Variants in BRWD1 observed in about 807,000 individuals in gnomAD.
The protein encoded by BRWD1 is bromodomain and WD repeat domain containing 1.
Under a neutral mutation model 251.2 loss-of-function variants are expected in BRWD1, and 82 were observed. The ratio of observed to expected loss-of-function variants is 0.33; its 90% CI spans 0.27 to 0.39. The LOEUF (loss-of-function observed/expected upper bound fraction) is 0.39. BRWD1 is among the 10% of genes least tolerant of loss of function. BRWD1 has a pLI of 1.00. For missense variants in BRWD1, 2,233 were observed against 2,711.6 expected (o/e 0.82, Z 3.92); for synonymous variants, 918 against 902.8 (o/e 1.02, Z -0.30).
intron 4 of BRWD1, among the ~76,000 whole-genome samples, chr21:39,303,615 A>C (rs1289139797): frequency 2.0e-5 from 3 of 151,064 alleles, no homozygotes; most frequent in African/African-American, 7.3e-5. Flanking sequence ...AGATCATTTG[A>C]GCTCAGGAGT....
At chr21:39,286,517 G>C (rs1360018585) in intron 8 of BRWD1, among the ~76,000 whole-genome samples, 1 of 146,168 alleles carries the variant, frequency 6.8e-6, no homozygotes, top group East Asian at 2.0e-4. Flanking sequence ...TCCAGTATTT[G>C]TACTTTTTTT....
chr21:39,292,140 G>T lies in BRWD1; in HGVS notation c.831+1671C>A, dbSNP rs866482412. Among the ~76,000 whole-genome samples the T allele has an allele frequency of 1.2e-3, 114 of 93,256 alleles. 2 individuals are homozygous for T. The highest frequency in any genetic ancestry group is 2.0e-3 in the Non-Finnish European group (95 of 46,410). The allele number at this position is 93,256 out of a possible 152,430, so 61.2% of individuals were successfully genotyped here. Reference sequence around the variant, plus strand: ...TGGGGGGTGGGTGGGGGTGGGGGGGGGGGTCTCACTAAGTTGCCCAGGCCG... The same window carrying T: ...TGGGGGGTGGGTGGGGGTGGGGGGGTGGGTCTCACTAAGTTGCCCAGGCCG... On this transcript the variant is annotated intron_variant, in intron 8 of 40. Transcript: ENST00000342449.
At chr21:39,316,396 A>G (rs529205469), upstream of BRWD1, among the ~76,000 whole-genome samples, 1 of 152,350 alleles carries the variant, frequency 6.6e-6, no homozygotes, top group South Asian at 2.1e-4. Context: ...GTTACAGTGC[A>G]TAGATGACTG....
intron 17 of BRWD1, among the ~76,000 whole-genome samples, chr21:39,262,197 T>C (rs187797066): frequency 1.3e-5 from 2 of 152,208 alleles, no homozygotes; most frequent in East Asian, 3.9e-4. Flanking sequence ...AAGAGAGAAA[T>C]GACAAATTCC....
At chr21:39,312,949 G>GC (rs2036547958) in intron 3 of BRWD1, 49 bp from the exon 4 acceptor site, 10 of 278,906 alleles carry the variant, frequency 3.6e-5, no homozygotes, top group South Asian at 9.5e-5. Flanking sequence ...CGGCGCGGGG[G>GC]GGGCGGGGGG....
intron 29 of BRWD1, among the ~76,000 whole-genome samples, chr21:39,220,217 T>C (rs960154173): frequency 6.6e-6 from 1 of 152,028 alleles, no homozygotes; most frequent in East Asian, 1.9e-4. Context: ...TGAATACTGA[T>C]CAACCCACAC....
At position 39,264,668 on chromosome 21, in the gene BRWD1, G is replaced by A; in HGVS notation, c.1677C>T (p.Phe559=). Residue 559 remains phenylalanine, a synonymous_variant, in exon 17 of 41, where the codon TTC becomes TTT. Transcript: ENST00000342449. ...TAAGTGGTCGATAGTCAGTATGGAA[G>A]AACATCTGATCAGGAATCTAGAAAA... ...KPYEKIPDQM[F]FHTDYRPLIR... 6.2e-7 allele frequency: 1 copy of A among 1,606,660 alleles called. No individual in the cohort carries two copies. The highest frequency in any genetic ancestry group is 8.5e-7 in the Non-Finnish European group (1 of 1,176,038).
At chr21:39,317,852 G>C (rs928750979), upstream of BRWD1, among the ~76,000 whole-genome samples, 10 of 152,180 alleles carry the variant, frequency 6.6e-5, no homozygotes, top group African/African-American at 2.4e-4. Flanking sequence ...GGAGTTCAAG[G>C]CTGGTCTTAA....
At chr21:39,298,232 A>C in intron 5 of BRWD1, 200 bp downstream of exon 5, 1 of 1,224,740 alleles carries the variant, frequency 8.2e-7, no homozygotes, top group Non-Finnish European at 1.0e-6. Flanking sequence ...ATCTTTATCA[A>C]CTTTTTAATG....
downstream of BRWD1, chr21:39,184,582 A>C (rs1160952973): frequency 6.6e-6 from 1 of 152,252 alleles, no homozygotes; most frequent in Non-Finnish European, 1.5e-5. Flanking sequence ...GGTCAGAGAG[A>C]GCCTGTTGAG....
rs2034751592 is a variant in BRWD1, at chr21:39,261,662, T to G, written c.1885+2798A>C. On this transcript the variant is annotated intron_variant, in intron 17 of 40. Coordinates refer to ENST00000342449, the MANE Select transcript of BRWD1 (RefSeq NM_033656.4). The stretch of plus-strand genomic sequence containing the variant: ...ACCTATGGGTCTGCAAACCACACAT[T>G]GACAATTTCTGCCCTAAAGCAACCA... Among the ~76,000 whole-genome samples the G allele has an allele frequency of 1.3e-5, 2 of 152,094 alleles. 1 individual carries two copies. Among genetic ancestry groups the G allele is most frequent in the Admixed American group, 1.3e-4 (2 of 15,270 alleles).
In BRWD1 at chr21:39,196,922, A is replaced by G; in HGVS notation, c.6147T>C (p.Val2049=). The G allele has an allele frequency of 6.2e-7, 1 of 1,613,896 alleles. No homozygotes were observed. The highest frequency in any genetic ancestry group is 8.5e-7 in the Non-Finnish European group (1 of 1,179,930). ...DAPSKRKSSS[V]TSSGEDSKSH... Reference sequence around the variant, plus strand: ...TTTTTGAATCTTCTCCTGAAGATGTAACAGAGGAACTTTTTCTTTTAGAAG... The same window carrying G: ...TTTTTGAATCTTCTCCTGAAGATGTGACAGAGGAACTTTTTCTTTTAGAAG... The change falls in exon 41 of 41, where the codon GTT becomes GTC. Residue 2049 remains valine (V), a synonymous_variant. Transcript: ENST00000342449.
rs201300529 is a variant in BRWD1 at position 39,232,139 on chromosome 21, C to A, written c.3000+38G>T. ...TGTAAGTAATTTAACTATGTATGTG[C>A]TAAAATGTTTAATGATTTAATAATG... On this transcript the variant is annotated intron_variant, in intron 25 of 40. Transcript: ENST00000342449. The A allele has an allele frequency of 3.4e-3, 4,862 of 1,448,660 alleles. 33 individuals are homozygous for A. Among genetic ancestry groups the A allele is most frequent in the Non-Finnish European group, 4.1e-3 (4,284 of 1,038,336 alleles). 89.7% of individuals were successfully genotyped at this position (1,448,660 alleles called of 1,614,324 possible).
In BRWD1 at chr21:39,195,833, C is replaced by G; in HGVS notation, c.*426G>C. ...CAGTATGCATGTATTTATGAAGAAT[C>G]TGTAAACATAGGTTGTGAAATTGTT... On this transcript the variant is annotated 3_prime_UTR_variant, in exon 41 of 41. Coordinates refer to ENST00000342449, the MANE Select transcript of BRWD1 (RefSeq NM_033656.4). The G allele has an allele frequency of 1.0e-6, 1 of 987,896 alleles. No homozygotes were observed. Among genetic ancestry groups the G allele is most frequent in the Non-Finnish European group, 1.2e-6 (1 of 831,704 alleles). 61.2% of individuals were successfully genotyped at this position (987,896 alleles called of 1,614,324 possible).
At chr21:39,313,376 CGGGGAGCCGGGGAAGCCG>C in intron 1 of BRWD1, 49 bp downstream of exon 1, 2 of 1,252,946 alleles carry the variant, frequency 1.6e-6, no homozygotes, top group South Asian at 3.1e-5. Flanking sequence ...CGGGGGAGCC[CGGGGAGCCGGGGAAGCCG>C]AAGCAGCCGG....
In BRWD1 at chr21:39,276,182, T is replaced by C. The variant is rs148461891; in HGVS notation, c.1136A>G (p.Asn379Ser). 1.9e-5 allele frequency: 30 copies of C among 1,607,728 alleles called. 1 individual carries two copies. In the African/African-American group the frequency reaches 2.1e-4, roughly 11 times the overall value. ...DKVDSIQFCN[N>S]GDRFLSGSRD... ...CAAAACACACACTTACCGATCACCATTGTTACAAAATTGGATACTATCTAC... is the reference window on the plus strand; with the variant it reads ...CAAAACACACACTTACCGATCACCACTGTTACAAAATTGGATACTATCTAC... The change falls in exon 12 of 41, where the codon AAT becomes AGT. Residue 379 changes from asparagine (N) to serine (S), a missense_variant. Physicochemically the swap from Asn to Ser is conservative, Grantham distance 46. Coordinates refer to ENST00000342449, the MANE Select transcript of BRWD1 (RefSeq NM_033656.4).
chr21:39,267,424 T>C (rs530413013), intron 15 of BRWD1, among the ~76,000 whole-genome samples: 76 of 152,114 alleles, frequency 5.0e-4, no homozygotes, highest in Middle Eastern at 6.8e-3. Flanking sequence ...TGAAACCCCA[T>C]CTCTACTAAA....
chr21:39,286,197 A>T (rs11909386), intron 8 of BRWD1, among the ~76,000 whole-genome samples: 2,314 of 151,690 alleles, frequency 0.015, 56 homozygotes, highest in African/African-American at 0.053. Flanking sequence ...TTTTTATATT[A>T]TTAGTAGAGA....
chr21:39,268,039 CA>C (rs2034980422), intron 15 of BRWD1, among the ~76,000 whole-genome samples: 2 of 152,104 alleles, frequency 1.3e-5, no homozygotes, highest in African/African-American at 4.8e-5. Flanking sequence ...AAAAAAATAC[CA>C]CTGTGTGCAA....
Sources: allele counts gnomAD v4.1 joint callset (sites outside exome capture counted in the v4.1 genomes callset), GRCh38; gene constraint gnomAD v4.1.1; transcripts MANE v1.5; gene names NCBI Gene and HGNC (gene_info 2026-07-23, HGNC 2026-07-21).